Variants in MYO1H observed in about 807,000 individuals in gnomAD.
MYO1H encodes the protein myosin IH, also known as unconventional myosin-Ih.
In MYO1H, 118 loss-of-function variants were observed where a neutral mutation model predicts 149.3. The observed-to-expected ratio is 0.79, with a 90% CI of 0.68 to 0.92. The LOEUF (loss-of-function observed/expected upper bound fraction) is 0.92. Ranked by LOEUF, MYO1H falls within the 40% of genes least tolerant of loss-of-function variation. MYO1H has a pLI of 0.00. For synonymous variants in MYO1H, 447 were observed against 465.2 expected (o/e 0.96, Z 0.50); for missense variants, 1,212 against 1,280.7 (o/e 0.95, Z 0.82).
intron 10 of MYO1H, 64 bp from the exon 11 acceptor site, chr12:109,409,493 C>T: frequency 7.1e-7 from 1 of 1,400,438 alleles, no homozygotes; most frequent in South Asian, 1.2e-5. Context: ...AGGGGAGCAG[C>T]AACAGTTTTG....
chr12:109,364,300 T>C (rs1453436879), intron 1 of MYO1H, among the ~76,000 whole-genome samples: 2 of 152,074 alleles, frequency 1.3e-5, no homozygotes, highest in African/African-American at 2.4e-5. Context: ...TACATACATA[T>C]TTAATAATCA....
intron 31 of MYO1H, chr12:109,446,250 C>T: frequency 1.0e-6 from 1 of 985,440 alleles, no homozygotes. Flanking sequence ...TGACTGTGCC[C>T]ATGCTGGGCT....
intron 6 of MYO1H, among the ~76,000 whole-genome samples, chr12:109,401,975 A>T (rs539451786): frequency 1.3e-5 from 2 of 152,230 alleles, no homozygotes; most frequent in Admixed American, 6.5e-5. Flanking sequence ...CCTGAGCTAG[A>T]GAGATCCGCC....
chr12:109,429,761 G>GCTTTCC (rs1343380666), intron 19 of MYO1H, among the ~76,000 whole-genome samples: 174 of 151,808 alleles, frequency 1.1e-3, no homozygotes, highest in Non-Finnish European at 2.1e-3. Context: ...AGGTAAGGGG[G>GCTTTCC]TCACTCTCTG....
chr12:109,446,010 C>T (rs1415815927), intron 31 of MYO1H: 3 of 985,154 alleles, frequency 3.0e-6, no homozygotes, highest in Non-Finnish European at 3.6e-6. Context: ...GTTGGAGGTG[C>T]GGCTTAGGCT....
chr12:109,315,770 T>C, the MYO1H span, among the ~76,000 whole-genome samples: 1 of 152,358 alleles, frequency 6.6e-6, no homozygotes, highest in Admixed American at 6.5e-5. Flanking sequence ...TCTTGGAACA[T>C]GTCTTTCTTT....
the MYO1H span, among the ~76,000 whole-genome samples, chr12:109,333,738 G>T: frequency 2.6e-5 from 4 of 152,120 alleles, no homozygotes; most frequent in Non-Finnish European, 5.9e-5. Flanking sequence ...TTATGATGCG[G>T]GTACATCTGG....
chr12:109,341,386 G>T, the MYO1H span, among the ~76,000 whole-genome samples: 1 of 151,886 alleles, frequency 6.6e-6, no homozygotes, highest in African/African-American at 2.4e-5. Context: ...TATTATATTT[G>T]CTAAGAATTT....
chr12:109,423,546 A>T (rs1007299928), intron 16 of MYO1H, among the ~76,000 whole-genome samples: 14 of 152,202 alleles, frequency 9.2e-5, no homozygotes, highest in African/African-American at 3.4e-4. Context: ...AACTCTTTTC[A>T]TCTTGCAGAA....
At chr12:109,350,174 G>A (rs1027906559) in intron 1 of MYO1H, among the ~76,000 whole-genome samples, 3 of 151,936 alleles carry the variant, frequency 2.0e-5, no homozygotes, top group Admixed American at 6.6e-5. Flanking sequence ...TATTTAGTTC[G>A]CAGGTGATTC....
At position 109,443,656 on chromosome 12, in the gene MYO1H, A is replaced by G. The variant is rs779861797; in HGVS notation, c.2824+7A>G. 4.3e-6 allele frequency: 7 copies of G among 1,613,542 alleles called. No homozygotes were observed. The African/African-American group carries it at 8.0e-5, about 18-fold the overall frequency. The stretch of plus-strand genomic sequence containing the variant: ...GAGTACTCAGCTCTCAAAGGTAAGA[A>G]GTGGGCAATCTTTAAAACAATGCAC... On this transcript the variant is annotated splice_region_variant and intron_variant, in intron 28 of 31. Transcript: ENST00000310903.
intron 14 of MYO1H, among the ~76,000 whole-genome samples, chr12:109,412,877 C>T (rs1870731805): frequency 6.6e-6 from 1 of 152,154 alleles, no homozygotes; most frequent in Non-Finnish European, 1.5e-5. Context: ...CCTCCGCCTC[C>T]TGGGTTTAAA....
At chr12:109,366,968 A>G (rs1868878581) in intron 1 of MYO1H, among the ~76,000 whole-genome samples, 1 of 152,232 alleles carries the variant, frequency 6.6e-6, no homozygotes, top group Non-Finnish European at 1.5e-5. Flanking sequence ...TGAGATGCTC[A>G]ACCAGCAAGC....
chr12:109,360,781 G>C (rs555722392), intron 1 of MYO1H, among the ~76,000 whole-genome samples: 4 of 152,288 alleles, frequency 2.6e-5, no homozygotes, highest in Non-Finnish European at 5.9e-5. Context: ...AATAGGTCTT[G>C]TTTACAAGAC....
At chr12:109,401,304 T>C in intron 6 of MYO1H, 32 bp downstream of exon 6, 1 of 1,581,630 alleles carries the variant, frequency 6.3e-7, no homozygotes, top group Non-Finnish European at 8.6e-7. Flanking sequence ...CTTTGGTGAC[T>C]CTTTGGAGCA....
chr12:109,404,003 T>C lies in MYO1H; in HGVS notation c.772T>C (p.Ser258Pro), dbSNP rs749678027. 11 of 1,613,724 alleles carry C rather than the reference T, an allele frequency of 6.8e-6. No homozygotes were observed. The Admixed American group carries it at 1.5e-4, about 22-fold the overall frequency. ...ACAGGGTCATTGTGCCAAAGAGTCA[T>C]CCATTAGTGACAAGAATGACTGGAA... is the stretch of plus-strand genomic sequence containing the variant. The change falls in exon 7 of 32, where the codon TCC (serine) becomes CCC (proline). Residue 258 changes from serine to proline, a missense_variant. Coordinates refer to ENST00000310903, the Ensembl canonical transcript of MYO1H.
chr12:109,357,479 C>A (rs1042760459), intron 1 of MYO1H, among the ~76,000 whole-genome samples: 2 of 152,164 alleles, frequency 1.3e-5, no homozygotes, highest in African/African-American at 4.8e-5. Context: ...GGTTGGCAAA[C>A]TTTTTCTGTA....
At chr12:109,418,061 C>T (rs1369443796) in intron 15 of MYO1H, among the ~76,000 whole-genome samples, 1 of 151,976 alleles carries the variant, frequency 6.6e-6, no homozygotes, top group Non-Finnish European at 1.5e-5. Flanking sequence ...CATGATCCAC[C>T]CACCTCGGCC....
chr12:109,335,500 A>G, the MYO1H span, among the ~76,000 whole-genome samples: 2 of 152,150 alleles, frequency 1.3e-5, no homozygotes, highest in Non-Finnish European at 2.9e-5. Context: ...ACACCAGTTC[A>G]AACCCTATCC....
Sources: gnomAD v4.1 joint callset for allele counts (sites outside exome capture counted in the v4.1 genomes callset) on GRCh38, gnomAD v4.1.1 for gene constraint, MANE v1.5 for transcripts, NCBI Gene and HGNC (gene_info 2026-07-23, HGNC 2026-07-21) for gene names.